Variants in CNTNAP2 observed in about 807,000 individuals in gnomAD.
CNTNAP2 encodes the protein contactin-associated protein-like 2.
CNTNAP2 carries 98 observed loss-of-function variants against 155.2 expected under a neutral mutation model. That is an observed-to-expected ratio of 0.63 (90% CI 0.54 to 0.75). The LOEUF is 0.75. Ranked by LOEUF, CNTNAP2 falls within the 30% of genes least tolerant of loss-of-function variation. The pLI, the probability that CNTNAP2 is intolerant of heterozygous loss-of-function variation, is 0.00. For synonymous variants in CNTNAP2, 651 were observed against 631.2 expected, an observed-to-expected ratio of 1.03 and a Z score of -0.47; for missense variants, 1,727 against 1,688.1, an observed-to-expected ratio of 1.02 and a Z score of -0.40.
At chr7:146,212,220 AGTGAGGT>A (rs1799045194) in intron 1 of CNTNAP2, among the ~76,000 whole-genome samples, 1 of 152,178 alleles carries the variant, frequency 6.6e-6, no homozygotes, top group Non-Finnish European at 1.5e-5. Flanking sequence ...TCTAATTTAA[AGTGAGGT>A]GGTTTGGCCT....
intron 18 of CNTNAP2, among the ~76,000 whole-genome samples, chr7:148,188,086 T>C (rs1795148491): frequency 6.6e-6 from 1 of 152,022 alleles, no homozygotes; most frequent in Non-Finnish European, 1.5e-5. Context: ...AGAGAACCCA[T>C]GAGTTTAGAT....
chr7:147,553,567 C>A (rs1799893586), intron 11 of CNTNAP2, among the ~76,000 whole-genome samples: 1 of 152,112 alleles, frequency 6.6e-6, no homozygotes, highest in Admixed American at 6.5e-5. Flanking sequence ...GTTAACATGC[C>A]TGCCCCATGT....
At chr7:146,215,742 A>G (rs976555726) in intron 1 of CNTNAP2, among the ~76,000 whole-genome samples, 5 of 152,198 alleles carry the variant, frequency 3.3e-5, no homozygotes, top group Non-Finnish European at 7.3e-5. Flanking sequence ...GAAATGTGTT[A>G]TATCTAGGCC....
intron 12 of CNTNAP2, among the ~76,000 whole-genome samples, chr7:147,566,967 C>T (rs145140679): frequency 6.6e-6 from 1 of 152,238 alleles, no homozygotes; most frequent in African/African-American, 2.4e-5. Flanking sequence ...TAGAGAATGA[C>T]AGAAAGACTT....
chr7:148,287,823 C>T (rs148760715), intron 21 of CNTNAP2, among the ~76,000 whole-genome samples: 22,140 of 130,958 alleles, frequency 0.17, 2,074 homozygotes, highest in Middle Eastern at 0.28. Context: ...TGGAGTTTCA[C>T]TCTTGTTGCC....
chr7:147,246,056 C>CATATATATGGCATATATATATAT lies in CNTNAP2; in HGVS notation c.1349-54084_1349-54083insTATATATGGCATATATATATATA, dbSNP rs1563131967. On this transcript the variant is annotated intron_variant, in intron 8 of 23. Transcript: ENST00000361727. Reference sequence around the variant, plus strand: ...CACATATAACGTGCATATATATATACACATATATATGGCATATATATATAT... The same window carrying CATATATATGGCATATATATATAT: ...CACATATAACGTGCATATATATATACATATATATGGCATATATATATATACATATATATGGCATATATATATAT... Among the ~76,000 whole-genome samples, 9 of 133,482 alleles carry CATATATATGGCATATATATATAT rather than the reference C, an allele frequency of 6.7e-5. No individual in the cohort carries two copies. In the South Asian group the frequency reaches 7.5e-4, roughly 11 times the overall value. The allele number at this position is 133,482 out of a possible 152,430, so 87.6% of individuals were successfully genotyped here.
chr7:146,712,662 T>C (rs1345593021), intron 1 of CNTNAP2, among the ~76,000 whole-genome samples: 1 of 151,774 alleles, frequency 6.6e-6, no homozygotes, highest in Non-Finnish European at 1.5e-5. Context: ...CTTTTGCCTT[T>C]TTTTTTCTTT....
intron 22 of CNTNAP2, among the ~76,000 whole-genome samples, chr7:148,401,828 G>A (rs1472729631): frequency 2.0e-5 from 3 of 152,102 alleles, no homozygotes; most frequent in Non-Finnish European, 4.4e-5. Context: ...TCGATCTCCC[G>A]ACCTCATGAT....
At chr7:147,335,963 G>T (rs920714180) in intron 9 of CNTNAP2, among the ~76,000 whole-genome samples, 1 of 152,170 alleles carries the variant, frequency 6.6e-6, no homozygotes, top group Non-Finnish European at 1.5e-5. Flanking sequence ...TGGCTGCAGT[G>T]TGGATGAGTG....
chr7:147,882,846 T>C (rs1307034186), intron 13 of CNTNAP2, among the ~76,000 whole-genome samples: 2 of 152,222 alleles, frequency 1.3e-5, no homozygotes, highest in South Asian at 2.1e-4. Flanking sequence ...AATCCTTATA[T>C]GTGAATTTTC....
intron 2 of CNTNAP2, among the ~76,000 whole-genome samples, chr7:146,805,832 T>G (rs1802957631): frequency 6.6e-6 from 1 of 152,208 alleles, no homozygotes. Flanking sequence ...GTCTTCCTAT[T>G]ATTAACAGAG....
chr7:146,574,295 C>G (rs1335895356), intron 1 of CNTNAP2, among the ~76,000 whole-genome samples: 1 of 152,200 alleles, frequency 6.6e-6, no homozygotes, highest in Non-Finnish European at 1.5e-5. Flanking sequence ...TTACCATACA[C>G]ACACGTTCAC....
intron 14 of CNTNAP2, among the ~76,000 whole-genome samples, chr7:147,916,745 T>C (rs138977900): frequency 2.0e-5 from 3 of 151,184 alleles, no homozygotes; most frequent in Non-Finnish European, 4.4e-5. Context: ...TTAAAAGAGA[T>C]GTCATGGGAT....
chr7:147,063,700 T>C (rs1799726352), intron 4 of CNTNAP2, among the ~76,000 whole-genome samples: 1 of 152,110 alleles, frequency 6.6e-6, no homozygotes, highest in African/African-American at 2.4e-5. Flanking sequence ...TTAAAAACAG[T>C]TATATTTGCA....
chr7:148,021,863 T>TG (rs1268835815), intron 15 of CNTNAP2, among the ~76,000 whole-genome samples: 4 of 152,116 alleles, frequency 2.6e-5, no homozygotes, highest in African/African-American at 9.7e-5. Context: ...CGGGTGAGCG[T>TG]GGGGAAGGGC....
At chr7:147,240,218 G>A (rs560213233) in intron 8 of CNTNAP2, among the ~76,000 whole-genome samples, 3 of 152,286 alleles carry the variant, frequency 2.0e-5, no homozygotes, top group Admixed American at 2.0e-4. Context: ...TGCTACTCAG[G>A]GGCCTGAGGC....
intron 21 of CNTNAP2, among the ~76,000 whole-genome samples, chr7:148,367,283 C>T (rs1294007788): frequency 6.6e-6 from 1 of 151,716 alleles, no homozygotes; most frequent in African/African-American, 2.4e-5. Context: ...CAGGGGCCAA[C>T]ATATCCATGG....
At chr7:147,369,173 G>T (rs949069011) in intron 9 of CNTNAP2, among the ~76,000 whole-genome samples, 2 of 152,208 alleles carry the variant, frequency 1.3e-5, no homozygotes, top group Non-Finnish European at 2.9e-5. Flanking sequence ...TTATAACCAT[G>T]TTAGAACTTG....
intron 1 of CNTNAP2, among the ~76,000 whole-genome samples, chr7:146,440,328 CAATT>C (rs1796302411): frequency 6.6e-6 from 1 of 151,456 alleles, no homozygotes; most frequent in Non-Finnish European, 1.5e-5. Flanking sequence ...ACCTAACACT[CAATT>C]AAGTGTATGA....
Sources: allele counts gnomAD v4.1 joint callset (sites outside exome capture counted in the v4.1 genomes callset), GRCh38; gene constraint gnomAD v4.1.1; transcripts MANE v1.5; gene names NCBI Gene and HGNC (gene_info 2026-07-23, HGNC 2026-07-21).